Variants in TTC21A observed in about 807,000 individuals in gnomAD.
The protein encoded by TTC21A is tetratricopeptide repeat domain 21A.
In TTC21A, 128 loss-of-function variants were observed where a neutral mutation model predicts 156.4. The observed-to-expected ratio is 0.82, with a 90% CI of 0.71 to 0.95. The LOEUF (loss-of-function observed/expected upper bound fraction) is 0.95. Among genes scored for constraint, TTC21A ranks in the 40% least tolerant of loss-of-function variants. TTC21A has a pLI of 0.00. For synonymous variants in TTC21A, 587 were observed against 617.1 expected, an observed-to-expected ratio of 0.95 and a Z score of 0.72; for missense variants, 1,435 against 1,602.3, an observed-to-expected ratio of 0.90 and a Z score of 1.78.
chr3:39,129,450 T>C (rs2038553661), intron 15 of TTC21A, 140 bp downstream of exon 15: 1 of 731,736 alleles, frequency 1.4e-6, no homozygotes, highest in Non-Finnish European at 2.4e-6. Flanking sequence ...GAATTGTCCA[T>C]GGGTTACAAT....
At position 39,117,465 on chromosome 3, in the gene TTC21A, T is replaced by C. The variant is rs554673123; in HGVS notation, c.717-604T>C. ...GTCAGAAGCTATAGCTTCACAATAG[T>C]ACAAAATTGAAACCCAGGTTCCTTT... On this transcript the variant is annotated intron_variant, in intron 6 of 28. Coordinates refer to ENST00000683103, the MANE Select transcript of TTC21A (RefSeq NM_001366900.1). Among the ~76,000 whole-genome samples, 107 of 152,340 alleles carry C rather than the reference T, an allele frequency of 7.0e-4. 1 individual carries two copies. The highest frequency in any genetic ancestry group is 6.8e-3 in the Middle Eastern group (2 of 294).
intron 7 of TTC21A, chr3:39,119,702 T>G (rs927315061): frequency 2.1e-5 from 8 of 372,950 alleles, no homozygotes; most frequent in Non-Finnish European, 1.9e-5. Context: ...CAGCTCTGGG[T>G]GAATAATGTC....
intron 2 of TTC21A, 85 bp from the exon 3 acceptor site, chr3:39,109,944 G>A: frequency 2.1e-6 from 2 of 938,262 alleles, no homozygotes; most frequent in Non-Finnish European, 3.4e-6. Flanking sequence ...GCAGGTAGTA[G>A]TGCTGAGCTG....
At chr3:39,115,458 C>G (rs565099408) in intron 6 of TTC21A, among the ~76,000 whole-genome samples, 118 of 152,210 alleles carry the variant, frequency 7.8e-4, no homozygotes, top group African/African-American at 2.7e-3. Flanking sequence ...CCCAGAAGTT[C>G]AAGACCAGCC....
At chr3:39,116,629 C>T (rs1162193411) in intron 6 of TTC21A, among the ~76,000 whole-genome samples, 2 of 152,080 alleles carry the variant, frequency 1.3e-5, no homozygotes, top group Non-Finnish European at 2.9e-5. Flanking sequence ...GCAAGCACCA[C>T]CATACCCAGC....
intron 11 of TTC21A, among the ~76,000 whole-genome samples, chr3:39,125,951 T>C (rs2038197151): frequency 6.6e-6 from 1 of 152,240 alleles, no homozygotes; most frequent in Admixed American, 6.5e-5. Flanking sequence ...TCAGGATTCT[T>C]TGTGACCAAG....
rs1403424837 is a variant in TTC21A, at chr3:39,131,081, G to C, written c.2548G>C (p.Glu850Gln). 1.2e-6 allele frequency: 2 copies of C among 1,609,212 alleles called. No homozygotes were observed. Among genetic ancestry groups the C allele is most frequent in the South Asian group, 1.1e-5 (1 of 91,020 alleles). Residue 850 changes from glutamate (E) to glutamine (Q), a missense_variant, in exon 19 of 29, where the codon GAA becomes CAA. Glu to Gln is a conservative substitution (Grantham distance 29). Coordinates refer to ENST00000683103, the MANE Select transcript of TTC21A (RefSeq NM_001366900.1). ...GAGCCATAAAAAAGAAGCTGTGATA[G>C]AAACTTTGAACAAGGTAATTGACAG... ...YKSHKKEAVI[E>Q]TLNKALDLQS...
intron 2 of TTC21A, among the ~76,000 whole-genome samples, chr3:39,109,640 C>G (rs544944875): frequency 2.0e-5 from 3 of 152,156 alleles, no homozygotes; most frequent in South Asian, 2.1e-4. Context: ...TGGTCCTAGG[C>G]TGAGGACTGG....
intron 20 of TTC21A, among the ~76,000 whole-genome samples, 164 bp downstream of exon 20, chr3:39,133,404 T>TAGCA (rs1335026194): frequency 3.9e-5 from 6 of 152,200 alleles, no homozygotes; most frequent in African/African-American, 9.6e-5. Flanking sequence ...TGGGGTAAGG[T>TAGCA]GTCTGCTCCT....
intron 19 of TTC21A, chr3:39,131,391 A>G (rs754224648): frequency 1.7e-5 from 5 of 287,870 alleles, no homozygotes; most frequent in Non-Finnish European, 3.3e-5. Context: ...GCTCCCATGC[A>G]TTGAAAGCTC....
At position 39,138,711 on chromosome 3, in the gene TTC21A, G is replaced by T; in HGVS notation, c.3865G>T (p.Val1289Phe). 6.2e-7 allele frequency: 1 copy of T among 1,614,094 alleles called. No individual in the cohort carries two copies. Among genetic ancestry groups the T allele is most frequent in the Non-Finnish European group, 8.5e-7 (1 of 1,179,998 alleles). Reference protein sequence around the residue: ...FVEAIEICNDVLREHPDYPKI... With the variant: ...FVEAIEICNDFLREHPDYPKI... ...CACACCCATTCTCTCTCTGTTCCAG[G>T]TCCTCAGGGAGCACCCCGACTACCC... The change falls in exon 29 of 29, where the codon GTC (valine) becomes TTC (phenylalanine). Residue 1289 changes from valine (V) to phenylalanine (F), a missense_variant and splice_region_variant. Physicochemically the swap from Val to Phe is conservative, Grantham distance 50. Transcript: ENST00000683103.
chr3:39,133,283 C>A (rs2038875210), intron 20 of TTC21A, 43 bp downstream of exon 20: 3 of 1,586,994 alleles, frequency 1.9e-6, no homozygotes, highest in Non-Finnish European at 2.6e-6. Context: ...TCCCTCAGGG[C>A]ACAATGACTT....
At position 39,128,927 on chromosome 3, in the gene TTC21A, G is replaced by C; in HGVS notation, c.1891G>C (p.Glu631Gln). 6.2e-7 allele frequency: 1 copy of C among 1,614,174 alleles called. No individual in the cohort carries two copies. The highest frequency in any genetic ancestry group is 1.1e-5 in the South Asian group (1 of 91,076). The change falls in exon 14 of 29, where the codon GAG becomes CAG. Residue 631 changes from glutamate to glutamine, a missense_variant. Coordinates refer to ENST00000683103, the MANE Select transcript of TTC21A (RefSeq NM_001366900.1). ...ELVEALRLNGELHEATKVMQD... is the reference protein window; with the variant it reads ...ELVEALRLNGQLHEATKVMQD... ...GGTGGAGGCCCTCCGGCTGAATGGG[G>C]AGCTAGTAAGAAATGCCGTGCTCTC... is the stretch of plus-strand genomic sequence containing the variant.
Position 39,109,099 on chromosome 3 carries a change from CT to C in TTC21A, c.43del (p.Tyr15IlefsTer27). On this transcript the variant is annotated frameshift_variant, in exon 2 of 29. Transcript: ENST00000683103. LOFTEE classifies it high-confidence loss of function. ...CCTTCATACAGGCTGGGATCATTTA[CT>C]ATAGCCAGGAAAAGTACTTCCACCA... The part of the protein sequence containing the change: ...DSSLMAGIIY[Y>X]SQEKYFHHVQ... 1 of 1,614,012 alleles carries C rather than the reference CT, an allele frequency of 6.2e-7. No homozygotes were observed. The highest frequency in any genetic ancestry group is 8.5e-7 in the Non-Finnish European group (1 of 1,179,880).
chr3:39,128,701 G>A lies in TTC21A; in HGVS notation c.1681-16G>A. On this transcript the variant is annotated splice_polypyrimidine_tract_variant and intron_variant, in intron 13 of 28. Transcript: ENST00000683103. ...GCAGTGAACTGGAGCCCCACACTCT[G>A]CTGTGCTCCTCCTAGGTCCGAGATC... 6.2e-7 allele frequency: 1 copy of A among 1,612,656 alleles called. No individual in the cohort carries two copies. Among genetic ancestry groups the A allele is most frequent in the East Asian group, 2.2e-5 (1 of 44,858 alleles).
intron 3 of TTC21A, 60 bp from the exon 4 acceptor site, chr3:39,110,791 C>T (rs186860172): frequency 1.9e-6 from 3 of 1,598,096 alleles, no homozygotes; most frequent in East Asian, 2.2e-5. Flanking sequence ...GTGGCCCATG[C>T]AGAACCAGGC....
chr3:39,123,270 G>A (rs1322932439), intron 9 of TTC21A, among the ~76,000 whole-genome samples: 1 of 152,196 alleles, frequency 6.6e-6, no homozygotes, highest in African/African-American at 2.4e-5. Context: ...AGATGGTGAT[G>A]AGGAAGACAG....
intron 6 of TTC21A, 54 bp from the exon 7 acceptor site, chr3:39,118,015 C>T (rs1438045249): frequency 7.5e-7 from 1 of 1,328,290 alleles, no homozygotes; most frequent in Non-Finnish European, 1.1e-6. Flanking sequence ...AACACACCAT[C>T]CCAGCTTTGC....
Position 39,138,752 on chromosome 3 carries a change from A to C in TTC21A, c.3906A>C (p.Glu1302Asp), listed in dbSNP as rs753145174. Residue 1302 changes from glutamate to aspartate, a missense_variant, in exon 29 of 29, where the codon GAA (glutamate) becomes GAC (aspartate). By Grantham distance (45) the Glu-to-Asp change is conservative (BLOSUM62 2). Coordinates refer to ENST00000683103, the MANE Select transcript of TTC21A (RefSeq NM_001366900.1). ...EHPDYPKIRE[E>D]ILEKARRSLR... Reference sequence around the variant, plus strand: ...CCGACTACCCCAAGATCAGGGAGGAAATTTTGGAAAAGGCCCGAAGGTCCC... The same window carrying C: ...CCGACTACCCCAAGATCAGGGAGGACATTTTGGAAAAGGCCCGAAGGTCCC... 1.9e-6 allele frequency: 3 copies of C among 1,613,940 alleles called. No individual in the cohort carries two copies. In the African/African-American group the frequency reaches 4.0e-5, roughly 22 times the overall value.
Sources: allele counts gnomAD v4.1 joint callset (sites outside exome capture counted in the v4.1 genomes callset), GRCh38; gene constraint gnomAD v4.1.1; transcripts MANE v1.5; gene names NCBI Gene and HGNC (gene_info 2026-07-23, HGNC 2026-07-21).